The following SAMD8 variants were observed in gnomAD, a reference collection of about 807,000 sequenced individuals.
The protein encoded by SAMD8 is sterile alpha motif domain containing 8.
SAMD8 carries 20 observed loss-of-function variants against 42.0 expected under a neutral mutation model. The observed-to-expected ratio is 0.48, with a 90% confidence interval of 0.34 to 0.69. The LOEUF is 0.69. Among genes scored for constraint, SAMD8 ranks in the 30% least tolerant of loss-of-function variants. The pLI, the probability that SAMD8 is intolerant of heterozygous loss-of-function variation, is 0.01. For synonymous variants in SAMD8, 162 were observed against 173.0 expected (o/e 0.94, Z 0.50); for missense variants, 328 against 511.6 (o/e 0.64, Z 3.46).
chr10:75,108,105 C>T, upstream of SAMD8: 2 of 1,613,848 alleles, frequency 1.2e-6, no homozygotes, highest in Non-Finnish European at 1.7e-6. Flanking sequence ...CACACTGCTG[C>T]CGTAGAAGTC....
chr10:75,154,835 A>C (rs781774223), intron 2 of SAMD8, among the ~76,000 whole-genome samples: 2 of 152,208 alleles, frequency 1.3e-5, no homozygotes, highest in Non-Finnish European at 2.9e-5. Flanking sequence ...GAATTTGCTG[A>C]TGAATTTGGA....
chr10:75,157,587 G>T (rs1840442317), intron 2 of SAMD8, among the ~76,000 whole-genome samples: 1 of 152,200 alleles, frequency 6.6e-6, no homozygotes, highest in African/African-American at 2.4e-5. Flanking sequence ...GGAGGATGGA[G>T]GCTTGAGGAG....
intron 1 of SAMD8, among the ~76,000 whole-genome samples, chr10:75,106,031 G>C (rs1412584861): frequency 6.6e-6 from 1 of 152,054 alleles, no homozygotes; most frequent in East Asian, 1.9e-4. Context: ...TCGGTAAAAT[G>C]GGTAGATCAA....
chr10:75,121,858 A>G (rs1463146204), intron 1 of SAMD8, among the ~76,000 whole-genome samples: 2 of 151,860 alleles, frequency 1.3e-5, no homozygotes, highest in Non-Finnish European at 2.9e-5. Context: ...TGCCCAGCTA[A>G]TTTTTGTATT....
At chr10:75,140,353 C>T (rs1006892532) in intron 1 of SAMD8, among the ~76,000 whole-genome samples, 1 of 152,196 alleles carries the variant, frequency 6.6e-6, no homozygotes, top group Non-Finnish European at 1.5e-5. Flanking sequence ...GATCCACCCG[C>T]CTCTGCCTCC....
intron 1 of SAMD8, among the ~76,000 whole-genome samples, chr10:75,145,435 A>G (rs1202171705): frequency 1.3e-5 from 2 of 152,188 alleles, no homozygotes; most frequent in Non-Finnish European, 2.9e-5. Context: ...TCCAGACATT[A>G]TGAATTAGTT....
intron 4 of SAMD8, among the ~76,000 whole-genome samples, chr10:75,169,684 C>T (rs1158547334): frequency 7.2e-5 from 11 of 151,914 alleles, no homozygotes; most frequent in Non-Finnish European, 1.3e-4. Context: ...GAGGCCAAGG[C>T]GGGTGGATCA....
At chr10:75,139,288 C>G (rs1839964456) in intron 1 of SAMD8, among the ~76,000 whole-genome samples, 1 of 152,064 alleles carries the variant, frequency 6.6e-6, no homozygotes, top group African/African-American at 2.4e-5. Flanking sequence ...AAGTACCAAG[C>G]TTTGCATGAA....
At chr10:75,107,592 G>T (rs903966011), upstream of SAMD8, among the ~76,000 whole-genome samples, 2 of 151,838 alleles carry the variant, frequency 1.3e-5, no homozygotes, top group East Asian at 1.9e-4. Flanking sequence ...TTTTTGGCGG[G>T]GGGGGATGGA....
intron 1 of SAMD8, 95 bp downstream of exon 1, chr10:75,111,817 G>C: frequency 2.4e-6 from 3 of 1,225,816 alleles, no homozygotes; most frequent in Non-Finnish European, 3.1e-6. Context: ...GGGCTGCCGA[G>C]GGACCGCGAC....
intron 2 of SAMD8, among the ~76,000 whole-genome samples, chr10:75,160,353 C>T (rs1172136692): frequency 6.7e-5 from 10 of 149,056 alleles, no homozygotes; most frequent in Admixed American, 6.1e-4. Context: ...CCCGCCACCA[C>T]GCCAGGCTAA....
intron 2 of SAMD8, among the ~76,000 whole-genome samples, chr10:75,153,215 CA>C (rs1840333029): frequency 6.6e-6 from 1 of 152,024 alleles, no homozygotes; most frequent in African/African-American, 2.4e-5. Context: ...CTCCTGACCT[CA>C]AATGATCCGC....
At chr10:75,105,117 C>T (rs947642048) in intron 1 of SAMD8, among the ~76,000 whole-genome samples, 9 of 152,112 alleles carry the variant, frequency 5.9e-5, no homozygotes, top group Non-Finnish European at 1.3e-4. Flanking sequence ...GGGGAGCCAC[C>T]GTGGAGGCCT....
chr10:75,151,032 C>T lies in SAMD8; in HGVS notation c.504C>T (p.Phe168=), dbSNP rs894186415. The T allele has an allele frequency of 3.7e-6, 6 of 1,602,396 alleles. No homozygotes were observed. The highest frequency in any genetic ancestry group is 1.7e-5 in the Admixed American group (1 of 58,410). The change falls in exon 2 of 6, where the codon TTC becomes TTT. Residue 168 remains phenylalanine, a synonymous_variant. Coordinates refer to ENST00000542569, the MANE Select transcript of SAMD8 (RefSeq NM_001174156.2). Reference sequence around the variant, plus strand: ...TTATAGTATTTGGATTTACATCTTTCATTATGGTTATAGTCCATGAGCGAG... The same window carrying T: ...TTATAGTATTTGGATTTACATCTTTTATTATGGTTATAGTCCATGAGCGAG... ...YVFIVFGFTS[F]IMVIVHERVP...
intron 1 of SAMD8, among the ~76,000 whole-genome samples, chr10:75,148,580 C>T (rs1441916079): frequency 2.0e-5 from 3 of 152,080 alleles, no homozygotes; most frequent in African/African-American, 7.2e-5. Flanking sequence ...GTCTTGATCT[C>T]CTGACCTTGT....
chr10:75,111,310 G>C (rs976642019), upstream of SAMD8, among the ~76,000 whole-genome samples: 4 of 151,448 alleles, frequency 2.6e-5, no homozygotes, highest in Admixed American at 6.6e-5. Context: ...CCCCGGCTCC[G>C]CTAGCCCCGC....
intron 4 of SAMD8, 113 bp from the exon 5 acceptor site, chr10:75,175,953 G>A (rs895931813): frequency 1.3e-5 from 20 of 1,515,972 alleles, no homozygotes; most frequent in Non-Finnish European, 1.8e-5. Context: ...AGATGCTTTG[G>A]CTTAGATCTT....
chr10:75,114,228 A>G (rs186045734), intron 1 of SAMD8, among the ~76,000 whole-genome samples: 53 of 151,718 alleles, frequency 3.5e-4, no homozygotes, highest in Admixed American at 2.0e-3. Flanking sequence ...AATCCCAGCT[A>G]CTCAGGAGGC....
upstream of SAMD8, among the ~76,000 whole-genome samples, chr10:75,108,797 T>C (rs1848674768): frequency 6.6e-6 from 1 of 152,160 alleles, no homozygotes; most frequent in Non-Finnish European, 1.5e-5. Context: ...CTCCCTGCTT[T>C]CAGGCAGGCG....
Sources: allele counts gnomAD v4.1 joint callset (sites outside exome capture counted in the v4.1 genomes callset), GRCh38; gene constraint gnomAD v4.1.1; transcripts MANE v1.5; gene names NCBI Gene and HGNC (gene_info 2026-07-23, HGNC 2026-07-21).